AARS1: variants seen among roughly 807,000 people sequenced by gnomAD.
AARS1 encodes the protein alanine--tRNA ligase, cytoplasmic.
In AARS1, 72 loss-of-function variants were observed where a neutral mutation model predicts 108.9. That is an observed-to-expected ratio of 0.66 (90% CI 0.55 to 0.80). The LOEUF (loss-of-function observed/expected upper bound fraction) is 0.80. AARS1 is among the 30% of genes least tolerant of loss of function. The probability of loss-of-function intolerance (pLI) is 0.00; values close to 1 mark genes in which losing one functional copy is unlikely to be tolerated. For synonymous variants in AARS1, 489 were observed against 465.7 expected, an observed-to-expected ratio of 1.05 and a Z score of -0.64; for missense variants, 1,193 against 1,233.2, an observed-to-expected ratio of 0.97 and a Z score of 0.49.
chr16:70,259,224 T>C (rs761281864), intron 13 of AARS1, 38 bp from the exon 14 acceptor site: 2 of 1,583,980 alleles, frequency 1.3e-6, no homozygotes, highest in African/African-American at 2.7e-5. Context: ...AGGTCTGTAA[T>C]AGACTGCTAG....
At chr16:70,252,951 T>C in intron 20 of AARS1, 45 bp from the exon 21 acceptor site, 1 of 1,590,884 alleles carries the variant, frequency 6.3e-7, no homozygotes. Context: ...GAAGATGGGA[T>C]TGAGGGAGGA....
intron 4 of AARS1, among the ~76,000 whole-genome samples, chr16:70,274,236 G>A (rs1960482995): frequency 6.6e-6 from 1 of 151,632 alleles, no homozygotes; most frequent in South Asian, 2.1e-4. Context: ...AGCTACTCGG[G>A]AGGCTGAGAC....
At chr16:70,285,360 G>A (rs935396293) in intron 1 of AARS1, among the ~76,000 whole-genome samples, 2 of 152,136 alleles carry the variant, frequency 1.3e-5, no homozygotes, top group Non-Finnish European at 2.9e-5. Flanking sequence ...CACTTAAGCA[G>A]CCTTAAACTC....
chr16:70,288,683 C>T (rs981402340), intron 1 of AARS1, among the ~76,000 whole-genome samples: 1 of 151,570 alleles, frequency 6.6e-6, no homozygotes, highest in Non-Finnish European at 1.5e-5. Flanking sequence ...TCTCATGCCT[C>T]AGCCTCCGGA....
chr16:70,280,218 A>G (rs1259304265), intron 2 of AARS1, among the ~76,000 whole-genome samples: 3 of 152,100 alleles, frequency 2.0e-5, no homozygotes, highest in East Asian at 1.9e-4. Context: ...TGCCTGGCCC[A>G]TAATTTTCTC....
In AARS1 at chr16:70,261,173, G is replaced by T; in HGVS notation, c.1672-16C>A. 1 of 1,564,898 alleles carries T rather than the reference G, an allele frequency of 6.4e-7. No homozygotes were observed. The highest frequency in any genetic ancestry group is 8.8e-7 in the Non-Finnish European group (1 of 1,135,796). The stretch of plus-strand genomic sequence containing the variant: ...ACTCTGTTTTCTAAGAGGGGTCAAG[G>T]AAGAGACCAATAAATAAATCCTTAA... On this transcript the variant is annotated splice_polypyrimidine_tract_variant and intron_variant, in intron 12 of 20. Coordinates refer to ENST00000261772, the MANE Select transcript of AARS1 (RefSeq NM_001605.3).
chr16:70,253,647 G>A (rs751658186), intron 19 of AARS1, 67 bp downstream of exon 19: 2 of 1,549,968 alleles, frequency 1.3e-6, no homozygotes. Context: ...CAGAGCCACA[G>A]AGGCCACATG....
At chr16:70,267,612 G>A in intron 9 of AARS1, 47 bp downstream of exon 9, 1 of 1,612,416 alleles carries the variant, frequency 6.2e-7, no homozygotes, top group Non-Finnish European at 8.5e-7. Context: ...GTCTTTCCCA[G>A]AAAGATCAAA....
At chr16:70,288,565 C>CTTT (rs35168298) in intron 1 of AARS1, among the ~76,000 whole-genome samples, 7 of 102,956 alleles carry the variant, frequency 6.8e-5, no homozygotes, top group East Asian at 3.4e-4. Context: ...GTTCTGGGCT[C>CTTT]TTTTTTTTTT....
intron 1 of AARS1, among the ~76,000 whole-genome samples, chr16:70,287,230 G>A (rs1446460440): frequency 7.4e-6 from 1 of 134,638 alleles, no homozygotes; most frequent in East Asian, 2.2e-4. Context: ...ACTCCAGCCT[G>A]GGCGACAGAG....
chr16:70,272,780 G>C (rs926966702), intron 4 of AARS1, among the ~76,000 whole-genome samples: 4 of 151,280 alleles, frequency 2.6e-5, no homozygotes, highest in African/African-American at 9.7e-5. Flanking sequence ...AAATTAGCTG[G>C]GGGGGTGATG....
At chr16:70,277,881 T>G (rs1019910623) in intron 2 of AARS1, among the ~76,000 whole-genome samples, 1 of 151,946 alleles carries the variant, frequency 6.6e-6, no homozygotes, top group Non-Finnish European at 1.5e-5. Flanking sequence ...GCCTCCCAAG[T>G]AGCTGAGATT....
chr16:70,258,966 G>A lies in AARS1; in HGVS notation c.1992+14C>T, dbSNP rs945873486. The A allele has an allele frequency of 1.1e-5, 17 of 1,613,060 alleles. No homozygotes were observed. Among genetic ancestry groups the A allele is most frequent in the Middle Eastern group, 1.7e-4 (1 of 5,962 alleles). On this transcript the variant is annotated intron_variant, in intron 14 of 20. Coordinates refer to ENST00000261772, the MANE Select transcript of AARS1 (RefSeq NM_001605.3). ...GTGTGGGGAGGGGGGGCATTCAGCC[G>A]TCGCCCATCCTACCTTGGCTGCCTC... is the stretch of plus-strand genomic sequence containing the variant.
Position 70,271,851 on chromosome 16 carries a change from C to T in AARS1, c.601G>A (p.Ala201Thr), listed in dbSNP as rs760716722. Residue 201 changes from alanine (A) to threonine (T), a missense_variant, in exon 5 of 21, where the codon GCA becomes ACA. Ala to Thr is a moderately conservative substitution (Grantham distance 58). Transcript: ENST00000261772. ...HYDRIGGRDA[A>T]HLVNQDDPNV... ...GGGTCGTCCTGGTTGACAAGATGTG[C>T]GGCGTCCCGACCACCAATCCGGTCG... 33 of 1,613,974 alleles carry T rather than the reference C, an allele frequency of 2.0e-5. No individual in the cohort carries two copies. Among genetic ancestry groups the T allele is most frequent in the Admixed American group, 5.0e-5 (3 of 59,976 alleles).
rs186777243 is a variant in AARS1 at position 70,286,974 on chromosome 16, G to A, written c.-22+2447C>T. On this transcript the variant is annotated intron_variant, in intron 1 of 20. Coordinates refer to ENST00000261772, the MANE Select transcript of AARS1 (RefSeq NM_001605.3). Reference sequence around the variant, plus strand: ...CTACTAAAAATACAAAAATTAGGCCGGGCGCGGTGGCTCACGCCTGTAATC... The same window carrying A: ...CTACTAAAAATACAAAAATTAGGCCAGGCGCGGTGGCTCACGCCTGTAATC... 9.9e-5 allele frequency among the ~76,000 whole-genome samples: 15 copies of A among 151,848 alleles called. No individual in the cohort carries two copies. The East Asian group carries it at 1.8e-3, about 18-fold the overall frequency.
At chr16:70,282,813 A>G in intron 1 of AARS1, 29 bp from the exon 2 acceptor site, 1 of 1,580,900 alleles carries the variant, frequency 6.3e-7, no homozygotes, top group African/African-American at 1.3e-5. Context: ...ATGAAGGAAA[A>G]TTAAGGGAAT....
rs576830623 is a variant in AARS1 at position 70,281,043 on chromosome 16, T to G, written c.144+1577A>C. 4.6e-5 allele frequency among the ~76,000 whole-genome samples: 7 copies of G among 152,284 alleles called. No homozygotes were observed. In the South Asian group the frequency reaches 1.4e-3, roughly 32 times the overall value. The stretch of plus-strand genomic sequence containing the variant: ...CAGGGTTTCACCATGTTGCCTAGGC[T>G]GGTCTCGAACTTCTGGATTCAAGTG... On this transcript the variant is annotated intron_variant, in intron 2 of 20. Coordinates refer to ENST00000261772, the MANE Select transcript of AARS1 (RefSeq NM_001605.3).
intron 10 of AARS1, 167 bp from the exon 11 acceptor site, chr16:70,265,269 T>C: frequency 6.8e-6 from 7 of 1,024,866 alleles, no homozygotes; most frequent in South Asian, 1.4e-5. Flanking sequence ...TGGAAACTTC[T>C]CTTGCAGTGT....
chr16:70,283,137 G>A (rs913470371), intron 1 of AARS1, among the ~76,000 whole-genome samples: 2 of 152,182 alleles, frequency 1.3e-5, no homozygotes, highest in East Asian at 3.8e-4. Flanking sequence ...GATGGCTCAC[G>A]CCTGTAATCC....
Sources: gnomAD v4.1 joint callset for allele counts (sites outside exome capture counted in the v4.1 genomes callset) on GRCh38, gnomAD v4.1.1 for gene constraint, MANE v1.5 for transcripts, NCBI Gene and HGNC (gene_info 2026-07-23, HGNC 2026-07-21) for gene names.